Variants in HTR1E observed in about 807,000 individuals in gnomAD.
HTR1E encodes 5-HT-1E.
HTR1E carries 3 observed loss-of-function variants against 3.4 expected under a neutral mutation model. The observed-to-expected ratio is 0.89, with a 90% confidence interval of 0.41 to 2.31. The LOEUF is 2.31. Ranked by LOEUF, HTR1E falls within the 30% of genes most tolerant of loss-of-function variation. HTR1E has a pLI of 0.05. For synonymous variants in HTR1E, 170 were observed against 182.8 expected, an observed-to-expected ratio of 0.93 and a Z score of 0.56; for missense variants, 392 against 467.0, an observed-to-expected ratio of 0.84 and a Z score of 1.48.
At chr6:86,986,358 C>T (rs1019653904) in intron 1 of HTR1E, among the ~76,000 whole-genome samples, 1 of 152,152 alleles carries the variant, frequency 6.6e-6, no homozygotes, top group African/African-American at 2.4e-5. Flanking sequence ...AGCTTGAATT[C>T]ATACTCATGG....
intron 1 of HTR1E, among the ~76,000 whole-genome samples, chr6:86,976,577 G>A (rs1187507685): frequency 6.6e-6 from 1 of 152,184 alleles, no homozygotes; most frequent in Non-Finnish European, 1.5e-5. Flanking sequence ...TCTCCAAGAT[G>A]GTGAAAGAGT....
chr6:87,015,509 T>C lies in HTR1E; in HGVS notation c.175T>C (p.Tyr59His), dbSNP rs760563254. The change falls in exon 2 of 2, where the codon TAC (tyrosine) becomes CAC (histidine). Residue 59 changes from tyrosine (Y) to histidine (H), a missense_variant. Tyr to His is a moderately conservative substitution (Grantham distance 83). Around this residue, in one of 3 missense-constraint regions of HTR1E, gnomAD observed 189 missense variants for 258.0 expected, o/e 0.73. Transcript: ENST00000305344. ...CAAGAAGCTCCACCAGCCTGCCAAC[T>C]ACCTAATCTGTTCTCTGGCCGTGAC... Reference protein sequence around the residue: ...TTKKLHQPANYLICSLAVTDL... With the variant: ...TTKKLHQPANHLICSLAVTDL... 6 of 1,613,660 alleles carry C rather than the reference T, an allele frequency of 3.7e-6. No homozygotes were observed. The South Asian group carries it at 6.6e-5, about 18-fold the overall frequency.
At position 86,992,190 on chromosome 6, in the gene HTR1E, A is replaced by T. The variant is rs537513307; in HGVS notation, c.-185-22960A>T. On this transcript the variant is annotated intron_variant, in intron 1 of 1. Coordinates refer to ENST00000305344, the MANE Select transcript of HTR1E (RefSeq NM_000865.3). ...CCTTCTAAACAATAATCCCTTCGAA[A>T]TGACTTTGTGAATGAATGCAACTGA... is the stretch of plus-strand genomic sequence containing the variant. Among the ~76,000 whole-genome samples, 5 of 152,336 alleles carry T rather than the reference A, an allele frequency of 3.3e-5. No homozygotes were observed. In the South Asian group the frequency reaches 1.0e-3, roughly 32 times the overall value.
intron 1 of HTR1E, among the ~76,000 whole-genome samples, chr6:86,940,317 C>T (rs1227730963): frequency 6.6e-6 from 1 of 152,092 alleles, no homozygotes; most frequent in Non-Finnish European, 1.5e-5. Context: ...AGGAGGATCA[C>T]ATGAGCCCAT....
At chr6:86,942,775 A>C (rs948597571) in intron 1 of HTR1E, among the ~76,000 whole-genome samples, 22 of 152,228 alleles carry the variant, frequency 1.4e-4, no homozygotes, top group Middle Eastern at 6.3e-3. Flanking sequence ...AAGACCATCA[A>C]GGTTTTACTT....
chr6:86,986,476 A>G (rs1469463906), intron 1 of HTR1E, among the ~76,000 whole-genome samples: 1 of 152,176 alleles, frequency 6.6e-6, no homozygotes, highest in Non-Finnish European at 1.5e-5. Context: ...AATTCTAGGA[A>G]AATAAAATAT....
At chr6:86,938,603 C>T (rs758975761) in intron 1 of HTR1E, among the ~76,000 whole-genome samples, 2 of 152,158 alleles carry the variant, frequency 1.3e-5, no homozygotes, top group African/African-American at 2.4e-5. Flanking sequence ...ACCTTGTATT[C>T]AACCCAACGC....
At chr6:86,945,432 G>A (rs967583851) in intron 1 of HTR1E, among the ~76,000 whole-genome samples, 4 of 151,924 alleles carry the variant, frequency 2.6e-5, no homozygotes, top group Admixed American at 6.6e-5. Context: ...TAGTAGAGAC[G>A]GGATTTCACC....
chr6:87,016,454 C>T lies in HTR1E; in HGVS notation c.*22C>T, dbSNP rs767304585. The T allele has an allele frequency of 1.3e-5, 20 of 1,554,896 alleles. No homozygotes were observed. In the East Asian group the frequency reaches 1.4e-4, roughly 11 times the overall value. On this transcript the variant is annotated 3_prime_UTR_variant, in exon 2 of 2. Coordinates refer to ENST00000305344, the MANE Select transcript of HTR1E (RefSeq NM_000865.3). Reference sequence around the variant, plus strand: ...TTAGACTGTAAAAAGCTAAAAGGCACGACTTTTTCCAGAGCCTCATGAGTG... The same window carrying T: ...TTAGACTGTAAAAAGCTAAAAGGCATGACTTTTTCCAGAGCCTCATGAGTG...
intron 1 of HTR1E, among the ~76,000 whole-genome samples, chr6:86,977,661 C>A (rs1767657457): frequency 6.6e-6 from 1 of 152,158 alleles, no homozygotes; most frequent in Non-Finnish European, 1.5e-5. Context: ...TGTAAGCGTT[C>A]CCTTTTCTCC....
chr6:86,947,081 A>G (rs921286388), intron 1 of HTR1E, among the ~76,000 whole-genome samples: 1 of 152,038 alleles, frequency 6.6e-6, no homozygotes, highest in Non-Finnish European at 1.5e-5. Flanking sequence ...GCGCCATTGC[A>G]CTCCAGCCTG....
intron 1 of HTR1E, among the ~76,000 whole-genome samples, chr6:86,975,153 G>A (rs541584733): frequency 1.9e-3 from 282 of 152,202 alleles, no homozygotes; most frequent in Non-Finnish European, 2.6e-3. Context: ...AAATCCACAC[G>A]TTTACATCAA....
chr6:86,976,606 T>C (rs538177664), intron 1 of HTR1E, among the ~76,000 whole-genome samples: 1 of 152,300 alleles, frequency 6.6e-6, no homozygotes, highest in Admixed American at 6.5e-5. Flanking sequence ...GACCAAAACT[T>C]TGTTGAAGAA....
chr6:86,998,885 T>C (rs139216220), intron 1 of HTR1E, among the ~76,000 whole-genome samples: 2 of 152,122 alleles, frequency 1.3e-5, no homozygotes, highest in Non-Finnish European at 2.9e-5. Flanking sequence ...AGAAGGAATA[T>C]TACTATAGAT....
At chr6:87,003,538 C>A (rs1242717869) in intron 1 of HTR1E, among the ~76,000 whole-genome samples, 1 of 133,540 alleles carries the variant, frequency 7.5e-6, no homozygotes, top group Non-Finnish European at 1.6e-5. Context: ...GACTCCATCT[C>A]AAAAAAAAAA....
At chr6:87,010,430 T>A (rs1344438457) in intron 1 of HTR1E, among the ~76,000 whole-genome samples, 157 of 136,464 alleles carry the variant, frequency 1.2e-3, no homozygotes, top group East Asian at 2.7e-3. Flanking sequence ...CACTTCCCAG[T>A]AGGGGCGACC....
At chr6:86,958,716 C>A (rs1767359851) in intron 1 of HTR1E, among the ~76,000 whole-genome samples, 1 of 152,196 alleles carries the variant, frequency 6.6e-6, no homozygotes, top group Non-Finnish European at 1.5e-5. Context: ...GCAAAAATGG[C>A]AGTGGGCCCA....
intron 1 of HTR1E, among the ~76,000 whole-genome samples, chr6:86,998,331 CATAAA>C (rs1401277527): frequency 6.6e-6 from 1 of 151,978 alleles, no homozygotes; most frequent in Admixed American, 6.6e-5. Context: ...CAAGCTGAGC[CATAAA>C]ATAAGTCTCA....
chr6:86,945,188 T>C (rs1768598360), intron 1 of HTR1E, among the ~76,000 whole-genome samples: 1 of 152,172 alleles, frequency 6.6e-6, no homozygotes, highest in Non-Finnish European at 1.5e-5. Context: ...ACAGTGATAC[T>C]GATAATCCTG....
Sources: allele counts gnomAD v4.1 joint callset (sites outside exome capture counted in the v4.1 genomes callset), GRCh38; gene constraint gnomAD v4.1.1; regional missense constraint gnomAD v4.1.1; transcripts MANE v1.5; gene names NCBI Gene and HGNC (gene_info 2026-07-23, HGNC 2026-07-21).